Variants in GNL3 observed in about 807,000 individuals in gnomAD.
The protein encoded by GNL3 is G protein nucleolar 3, also known as guanine nucleotide-binding protein-like 3.
A neutral mutation model predicts 70.6 loss-of-function variants in GNL3; 77 were observed. That is an observed-to-expected ratio of 1.09 (90% CI 0.91 to 1.32). The LOEUF is 1.32. Among genes scored for constraint, GNL3 ranks in the 40% most tolerant of loss-of-function variants. The probability of loss-of-function intolerance (pLI) is 0.00; values close to 1 mark genes in which losing one functional copy is unlikely to be tolerated. For synonymous variants in GNL3, 252 were observed against 216.1 expected, an observed-to-expected ratio of 1.17 and a Z score of -1.46; for missense variants, 634 against 644.0, an observed-to-expected ratio of 0.98 and a Z score of 0.17.
intron 3 of GNL3, 41 bp downstream of exon 3, chr3:52,687,424 G>T: frequency 6.2e-7 from 1 of 1,606,838 alleles, no homozygotes. Flanking sequence ...GTGGTGTAGT[G>T]TGTTATGTGT....
rs1284646076 is a variant in GNL3, at chr3:52,692,970, G to A, written c.968G>A (p.Arg323Gln). ...AATTCCTCCTCTGCGCTTGCTCTGC[G>A]AAGTCCAGCAAGTATTGAAGTAGTA... The part of the protein sequence containing the change: ...PLNSSSALAL[R>Q]SPASIEVVKP... Residue 323 changes from arginine to glutamine, a missense_variant, in exon 10 of 15, where the codon CGA (arginine) becomes CAA (glutamine). Arg to Gln is a conservative substitution (Grantham distance 43, BLOSUM62 1). Coordinates refer to ENST00000418458, the MANE Select transcript of GNL3 (RefSeq NM_014366.5). 5.6e-6 allele frequency: 9 copies of A among 1,613,866 alleles called. No homozygotes were observed. Among genetic ancestry groups the A allele is most frequent in the Admixed American group, 1.7e-5 (1 of 60,022 alleles).
chr3:52,686,238 C>T, intron 1 of GNL3, 133 bp downstream of exon 1: 1 of 907,730 alleles, frequency 1.1e-6, no homozygotes, highest in Non-Finnish European at 1.7e-6. Flanking sequence ...GGCCTTGGCC[C>T]TATTTCCTGG....
intron 9 of GNL3, among the ~76,000 whole-genome samples, chr3:52,691,993 C>T (rs1320487818): frequency 6.6e-6 from 1 of 152,026 alleles, no homozygotes. Flanking sequence ...AGCCACCGCG[C>T]CCGGCCTATT....
Position 52,686,764 on chromosome 3 carries a change from T to C in GNL3, c.14-5T>C. On this transcript the variant is annotated splice_region_variant and splice_polypyrimidine_tract_variant and intron_variant, in intron 1 of 14. Coordinates refer to ENST00000418458, the MANE Select transcript of GNL3 (RefSeq NM_014366.5). ...TTAACAGATTTGTGATGTGTTTCTT[T>C]GTAGAGTTAAAGAAAGCAAGTAAAC... 15 of 1,607,212 alleles carry C rather than the reference T, an allele frequency of 9.3e-6. No individual in the cohort carries two copies. The highest frequency in any genetic ancestry group is 1.3e-5 in the Non-Finnish European group (15 of 1,173,628).
intron 8 of GNL3, 34 bp from the exon 9 acceptor site, chr3:52,691,508 G>C: frequency 8.2e-7 from 1 of 1,224,438 alleles, no homozygotes; most frequent in Non-Finnish European, 1.2e-6. Flanking sequence ...AACATATAAT[G>C]CTTTTTATAT....
intron 7 of GNL3, 58 bp from the exon 8 acceptor site, chr3:52,690,887 G>T: frequency 6.4e-7 from 1 of 1,571,068 alleles, no homozygotes; most frequent in Non-Finnish European, 8.8e-7. Context: ...GATTGCTTGG[G>T]GTTTGTTGAA....
chr3:52,686,758 T>C lies in GNL3; in HGVS notation c.14-11T>C, dbSNP rs1553909638. 2 of 1,602,284 alleles carry C rather than the reference T, an allele frequency of 1.2e-6. No homozygotes were observed. The highest frequency in any genetic ancestry group is 1.7e-6 in the Non-Finnish European group (2 of 1,169,180). On this transcript the variant is annotated splice_polypyrimidine_tract_variant and intron_variant, in intron 1 of 14. Transcript: ENST00000418458. ...TTTGGGTTAACAGATTTGTGATGTG[T>C]TTCTTTGTAGAGTTAAAGAAAGCAA...
rs1461518740 is a variant in GNL3, at chr3:52,693,018, C to T, written c.1016C>T (p.Ala339Val). 1 of 1,614,184 alleles carries T rather than the reference C, an allele frequency of 6.2e-7. No individual in the cohort carries two copies. The highest frequency in any genetic ancestry group is 1.7e-5 in the Admixed American group (1 of 60,022). ...EVVKPMEAAS[A>V]ILSQADARQV... ...GTAAAACCGATGGAGGCTGCCAGTG[C>T]CATCCTTTCCCAGGCTGATGCTCGA... The change falls in exon 10 of 15, where the codon GCC becomes GTC. Residue 339 changes from alanine to valine, a missense_variant. Coordinates refer to ENST00000418458, the MANE Select transcript of GNL3 (RefSeq NM_014366.5).
rs1453746149 is a variant in GNL3, at chr3:52,693,287, ATGT to A, written c.1148_1150del (p.Val383del). ...ATGCACCAAAAAGGTGGAATCCCAAATGTTGAAGGTGCTGCCAAACTGCTGTGG... is the reference window on the plus strand; with the variant it reads ...ATGCACCAAAAAGGTGGAATCCCAAATGAAGGTGCTGCCAAACTGCTGTGG... On this transcript the variant is annotated inframe_deletion, in exon 11 of 15. Coordinates refer to ENST00000418458, the MANE Select transcript of GNL3 (RefSeq NM_014366.5). 6.2e-7 allele frequency: 1 copy of A among 1,614,026 alleles called. No individual in the cohort carries two copies. Among genetic ancestry groups the A allele is most frequent in the Non-Finnish European group, 8.5e-7 (1 of 1,180,028 alleles).
intron 9 of GNL3, chr3:52,692,594 G>C (rs2097328350): frequency 2.3e-6 from 1 of 435,368 alleles, no homozygotes; most frequent in Non-Finnish European, 4.6e-6. Flanking sequence ...TGGGATTACA[G>C]GCGTGAGCCA....
At chr3:52,692,680 T>C in intron 9 of GNL3, 192 bp from the exon 10 acceptor site, 1 of 745,254 alleles carries the variant, frequency 1.3e-6, no homozygotes, top group Non-Finnish European at 2.5e-6. Context: ...ATATATAAGC[T>C]ATAACATGTA....
At chr3:52,690,725 G>C (rs766944722) in intron 7 of GNL3, 21 bp downstream of exon 7, 19 of 1,367,632 alleles carry the variant, frequency 1.4e-5, no homozygotes, top group Non-Finnish European at 2.0e-5. Context: ...TTAGTGGTAA[G>C]AAATGTGATT....
chr3:52,692,823 A>C (rs1292186992), intron 9 of GNL3, 49 bp from the exon 10 acceptor site: 1 of 1,446,510 alleles, frequency 6.9e-7, no homozygotes, highest in African/African-American at 1.4e-5. Flanking sequence ...CTGTCTCTTA[A>C]CCTCCAAATA....
At position 52,692,369 on chromosome 3, in the gene GNL3, A is replaced by ACTTTTTTTTTTTTT. The variant is rs71087009; in HGVS notation, c.870-503_870-502insCTTTTTTTTTTTTT. On this transcript the variant is annotated intron_variant, in intron 9 of 14. Transcript: ENST00000418458. ...GCCACTGTGCCTGGCCAACTTTTAG[A>ACTTTTTTTTTTTTT]TTTTTTTTTTTTGGGAGATGGAGTC... Among the ~76,000 whole-genome samples the ACTTTTTTTTTTTTT allele has an allele frequency of 4.7e-3, 590 of 126,312 alleles. 56 individuals carry two copies. Among genetic ancestry groups the ACTTTTTTTTTTTTT allele is most frequent in the South Asian group, 0.017 (73 of 4,266 alleles). 82.9% of individuals were successfully genotyped at this position (126,312 alleles called of 152,430 possible). A position where few individuals can be genotyped will look rare whatever the true frequency, so the allele number is the denominator to read the frequency against.
chr3:52,689,094 T>C lies in GNL3; in HGVS notation c.429T>C (p.Val143=). ...ELKKVIEASD[V]VLEVLDARDP... is the part of the protein sequence containing the mutation. ...GATAGGTGATTGAAGCCTCCGATGT[T>C]GTCCTAGAGGTGTTGGATGCCAGAG... Residue 143 remains valine (V), a synonymous_variant, in exon 6 of 15, where the codon GTT becomes GTC. Transcript: ENST00000418458. 6.2e-7 allele frequency: 1 copy of C among 1,613,514 alleles called. No homozygotes were observed. Among genetic ancestry groups the C allele is most frequent in the Non-Finnish European group, 8.5e-7 (1 of 1,179,390 alleles).
At chr3:52,692,641 G>T in intron 9 of GNL3, 1 of 659,228 alleles carries the variant, frequency 1.5e-6, no homozygotes. Flanking sequence ...TTATAGCAAA[G>T]GAAATAGCAT....
intron 5 of GNL3, chr3:52,688,844 C>A (rs1223862937): frequency 3.7e-6 from 2 of 546,342 alleles, no homozygotes; most frequent in Non-Finnish European, 6.6e-6. Context: ...TGAAATCCAT[C>A]TTGATCAGAG....
At chr3:52,686,461 C>T (rs762745864) in intron 1 of GNL3, 1 of 568,878 alleles carries the variant, frequency 1.8e-6, no homozygotes, top group Non-Finnish European at 3.1e-6. Flanking sequence ...ACTCAGTGTT[C>T]CTCTCCTGCC....
chr3:52,691,252 A>C, intron 8 of GNL3, 181 bp downstream of exon 8: 1 of 629,898 alleles, frequency 1.6e-6, no homozygotes, highest in Non-Finnish European at 2.7e-6. Context: ...TTTAAAGAAA[A>C]AAACTTACAC....
Sources: allele counts gnomAD v4.1 joint callset (sites outside exome capture counted in the v4.1 genomes callset), GRCh38; gene constraint gnomAD v4.1.1; transcripts MANE v1.5; gene names NCBI Gene and HGNC (gene_info 2026-07-23, HGNC 2026-07-21).